The following RPH3AL variants were observed in gnomAD, a reference collection of about 807,000 sequenced individuals.
The protein encoded by RPH3AL is rab effector Noc2.
In RPH3AL, 38 loss-of-function variants were observed where a neutral mutation model predicts 43.1. The observed-to-expected ratio is 0.88, with a 90% CI of 0.68 to 1.15. RPH3AL has a LOEUF of 1.15. RPH3AL is among the 50% of genes most tolerant of loss of function. RPH3AL has a pLI of 0.00. For synonymous variants in RPH3AL, 189 were observed against 176.3 expected (o/e 1.07, Z -0.57); for missense variants, 462 against 423.2 (o/e 1.09, Z -0.81).
At chr17:275,882 A>G (rs1256754929) in intron 6 of RPH3AL, among the ~76,000 whole-genome samples, 6 of 152,210 alleles carry the variant, frequency 3.9e-5, no homozygotes, top group African/African-American at 7.2e-5. Context: ...TCTTGAACAC[A>G]CATCACAGTT....
chr17:337,274 A>AT (rs1010069097), intron 1 of RPH3AL, among the ~76,000 whole-genome samples: 4 of 151,678 alleles, frequency 2.6e-5, no homozygotes, highest in African/African-American at 9.7e-5. Context: ...TAATTTTTTA[A>AT]TTTTTTGGTA....
At chr17:234,535 C>G (rs1488443341) in intron 7 of RPH3AL, 1 of 156,744 alleles carries the variant, frequency 6.4e-6, no homozygotes, top group Admixed American at 6.5e-5. Flanking sequence ...AGCAGTAGGC[C>G]AGATTGAATC....
chr17:318,153 C>T lies in RPH3AL; in HGVS notation c.351+1267G>A, dbSNP rs891941808. On this transcript the variant is annotated intron_variant, in intron 5 of 9. Coordinates refer to ENST00000331302, the MANE Select transcript of RPH3AL (RefSeq NM_006987.4). ...ATCCCAGCAGTTTGGGAGGCCGAGG[C>T]AGGCGGATCACCTGAGGTCAGGAGT... 1.6e-4 allele frequency among the ~76,000 whole-genome samples: 25 copies of T among 152,024 alleles called. 1 individual carries two copies. The highest frequency in any genetic ancestry group is 2.1e-4 in the South Asian group (1 of 4,820).
At chr17:343,287 A>G (rs1286746809) in intron 1 of RPH3AL, among the ~76,000 whole-genome samples, 5 of 152,340 alleles carry the variant, frequency 3.3e-5, no homozygotes, top group African/African-American at 1.2e-4. Flanking sequence ...GTCTCTACGT[A>G]AACACATTCA....
chr17:314,420 G>A (rs1160528983), intron 5 of RPH3AL, among the ~76,000 whole-genome samples: 2 of 129,872 alleles, frequency 1.5e-5, no homozygotes, highest in East Asian at 1.9e-4. Flanking sequence ...CACCTCCACT[G>A]ACATGTAGTC....
At chr17:310,885 C>T (rs1452626469) in intron 5 of RPH3AL, among the ~76,000 whole-genome samples, 1 of 152,120 alleles carries the variant, frequency 6.6e-6, no homozygotes, top group Non-Finnish European at 1.5e-5. Flanking sequence ...TCTCCAGCGA[C>T]TCGGGTTCTA....
Position 229,104 on chromosome 17 carries a change from T to C in RPH3AL, c.614-9368A>G, listed in dbSNP as rs1490281896. Reference sequence around the variant, plus strand: ...CTAATCCACCCCCTCCAGGAACCCATTCAAATCATTTCTCCACTGAAAAGT... The same window carrying C: ...CTAATCCACCCCCTCCAGGAACCCACTCAAATCATTTCTCCACTGAAAAGT... On this transcript the variant is annotated intron_variant, in intron 7 of 9. Coordinates refer to ENST00000331302, the MANE Select transcript of RPH3AL (RefSeq NM_006987.4). Among the ~76,000 whole-genome samples, 4 of 152,192 alleles carry C rather than the reference T, an allele frequency of 2.6e-5. No homozygotes were observed. The East Asian group carries it at 7.7e-4, about 29-fold the overall frequency.
intron 1 of RPH3AL, among the ~76,000 whole-genome samples, chr17:345,258 C>A (rs554485876): frequency 7.4e-6 from 1 of 135,482 alleles, no homozygotes; most frequent in Admixed American, 7.1e-5. Context: ...CCAGGCTGGG[C>A]TACAGAGTGA....
chr17:220,289 T>G (rs929840736), intron 7 of RPH3AL, among the ~76,000 whole-genome samples: 1 of 149,510 alleles, frequency 6.7e-6, no homozygotes, highest in Non-Finnish European at 1.5e-5. Flanking sequence ...CTCTGAGGGC[T>G]CCACTCACTG....
chr17:351,981 T>C (rs969852658), intron 1 of RPH3AL, among the ~76,000 whole-genome samples: 2 of 152,136 alleles, frequency 1.3e-5, no homozygotes, highest in Non-Finnish European at 2.9e-5. Context: ...CGTGCTTACA[T>C]CCTGACAACT....
intron 6 of RPH3AL, among the ~76,000 whole-genome samples, chr17:266,236 A>G (rs1309256459): frequency 6.8e-6 from 1 of 147,440 alleles, no homozygotes; most frequent in Non-Finnish European, 1.5e-5. Context: ...GTGTGCGTGC[A>G]CCTGCATGCA....
At position 247,303 on chromosome 17, in the gene RPH3AL, G is replaced by C; in HGVS notation, c.439-18C>G. 1 of 1,546,636 alleles carries C rather than the reference G, an allele frequency of 6.5e-7. No individual in the cohort carries two copies. The highest frequency in any genetic ancestry group is 1.4e-5 in the African/African-American group (1 of 72,988). On this transcript the variant is annotated intron_variant, in intron 6 of 9. Transcript: ENST00000331302. ...TTCCAGACCTGAGTGGGGGAAGAGA[G>C]CTGCTTGGGGCACAGGACGCAGAGG...
At position 331,353 on chromosome 17, in the gene RPH3AL, G is replaced by T. The variant is rs1366008134; in HGVS notation, c.-37+2406C>A. 4 of 66,716 alleles carry T rather than the reference G, an allele frequency of 6.0e-5. No homozygotes were observed. In the East Asian group the frequency reaches 2.2e-3, roughly 37 times the overall value. 4.1% of individuals were successfully genotyped at this position (66,716 alleles called of 1,614,324 possible). On this transcript the variant is annotated intron_variant, in intron 2 of 9. Coordinates refer to ENST00000331302, the MANE Select transcript of RPH3AL (RefSeq NM_006987.4). ...ATGTCGCCTCCAGAGCTGGGGCCAC[G>T]GGCAGCGCCAGGGCAGGTTCATCAC...
chr17:235,069 G>A (rs957495489), intron 7 of RPH3AL, among the ~76,000 whole-genome samples: 16 of 151,394 alleles, frequency 1.1e-4, no homozygotes, highest in South Asian at 6.3e-4. Flanking sequence ...CTCGGTGGGC[G>A]GAGGCTCTTC....
chr17:304,214 C>T (rs113379224), intron 5 of RPH3AL, among the ~76,000 whole-genome samples: 2 of 150,794 alleles, frequency 1.3e-5, no homozygotes, highest in African/African-American at 4.9e-5. Context: ...GAGCAGTGAC[C>T]GTGTCTCAGG....
chr17:320,862 C>G (rs758517980), intron 4 of RPH3AL, among the ~76,000 whole-genome samples: 1 of 152,224 alleles, frequency 6.6e-6, no homozygotes, highest in Non-Finnish European at 1.5e-5. Flanking sequence ...AGGAGAGGCA[C>G]GTAGAGCCAG....
rs548878449 is a variant in RPH3AL, at chr17:254,488, C to T, written c.439-7203G>A. On this transcript the variant is annotated intron_variant, in intron 6 of 9. Coordinates refer to ENST00000331302, the MANE Select transcript of RPH3AL (RefSeq NM_006987.4). ...TTTCCGTCCCTAGGAATATGACTAC[C>T]CTACGTACTTCCTATGAGGGGAGCT... Among the ~76,000 whole-genome samples, 126 of 12,822 alleles carry T rather than the reference C, an allele frequency of 9.8e-3. 39 individuals are homozygous for T. The highest frequency in any genetic ancestry group is 0.014 in the Admixed American group (18 of 1,274). The allele number at this position is 12,822 out of a possible 152,430, so 8.4% of individuals were successfully genotyped here.
intron 7 of RPH3AL, among the ~76,000 whole-genome samples, chr17:241,388 C>G (rs1434316890): frequency 6.6e-6 from 1 of 152,000 alleles, no homozygotes; most frequent in Non-Finnish European, 1.5e-5. Flanking sequence ...AGAGCAATAC[C>G]CTGTCTCTAA....
intron 5 of RPH3AL, among the ~76,000 whole-genome samples, chr17:307,995 T>C (rs1405134143): frequency 6.6e-6 from 1 of 152,202 alleles, no homozygotes; most frequent in Non-Finnish European, 1.5e-5. Flanking sequence ...GCCTTGGAGA[T>C]GCAAGAGAGC....
Sources: gnomAD v4.1 joint callset for allele counts (sites outside exome capture counted in the v4.1 genomes callset) on GRCh38, gnomAD v4.1.1 for gene constraint, MANE v1.5 for transcripts, NCBI Gene and HGNC (gene_info 2026-07-23, HGNC 2026-07-21) for gene names.